Variants in ODAD4 observed in about 807,000 individuals in gnomAD.
ODAD4 encodes the protein outer dynein arm docking complex subunit 4.
Under a neutral mutation model 51.8 loss-of-function variants are expected in ODAD4, and 49 were observed. The ratio of observed to expected loss-of-function variants is 0.95; its 90% CI spans 0.75 to 1.20. The LOEUF (loss-of-function observed/expected upper bound fraction) is 1.20. Among genes scored for constraint, ODAD4 ranks in the 50% most tolerant of loss-of-function variants. The pLI, the probability that ODAD4 is intolerant of heterozygous loss-of-function variation, is 0.00. For missense variants in ODAD4, 590 were observed against 586.5 expected (o/e 1.01, Z -0.06); for synonymous variants, 235 against 221.3 (o/e 1.06, Z -0.55).
intron 11 of ODAD4, among the ~76,000 whole-genome samples, chr17:41,962,149 C>T (rs990884994): frequency 6.6e-6 from 1 of 152,120 alleles, no homozygotes; most frequent in Non-Finnish European, 1.5e-5. Context: ...GGTCTTTACC[C>T]CACTAGGAGG....
intron 5 of ODAD4, 49 bp from the exon 6 acceptor site, chr17:41,938,508 C>A: frequency 3.3e-6 from 5 of 1,518,424 alleles, no homozygotes; most frequent in Non-Finnish European, 4.5e-6. Context: ...GAGGCAAATC[C>A]CTTAGAGGCC....
chr17:41,947,258 G>A (rs1329709417), intron 8 of ODAD4, among the ~76,000 whole-genome samples: 2 of 150,182 alleles, frequency 1.3e-5, no homozygotes, highest in African/African-American at 4.9e-5. Flanking sequence ...CGGATCACAA[G>A]GTCAGGAGTT....
chr17:41,946,008 A>T (rs2050579928), intron 8 of ODAD4, among the ~76,000 whole-genome samples: 1 of 152,160 alleles, frequency 6.6e-6, no homozygotes, highest in African/African-American at 2.4e-5. Flanking sequence ...TGATCCTAGG[A>T]CTTTACAAAC....
chr17:41,944,469 C>T (rs1201889741), intron 7 of ODAD4, among the ~76,000 whole-genome samples: 1 of 147,258 alleles, frequency 6.8e-6, no homozygotes, highest in Non-Finnish European at 1.5e-5. Context: ...CAGAAATTGC[C>T]TTTCTTAGAG....
chr17:41,965,218 T>C lies in ODAD4; in HGVS notation c.1754T>C (p.Leu585Pro). 1 of 775,480 alleles carries C rather than the reference T, an allele frequency of 1.3e-6. No individual in the cohort carries two copies. The highest frequency in any genetic ancestry group is 2.4e-6 in the Non-Finnish European group (1 of 415,546). The allele number at this position is 775,480 out of a possible 1,614,324, so 48.0% of individuals were successfully genotyped here. The change falls in exon 12 of 12, where the codon CTG becomes CCG. Residue 585 changes from leucine (L) to proline (P), a missense_variant. This residue lies in a region of ODAD4 where 226 missense variants were observed against 162.7 expected (regional missense o/e 1.39). Coordinates refer to ENST00000377540, the MANE Select transcript of ODAD4 (RefSeq NM_031421.5). ...GATTTGGGAGCAGTTGCCAAGGGCC[T>C]GTCAGGAGAATTAGGCACAAGATCA... The part of the protein sequence containing the change: ...RSDLGAVAKG[L>P]SGELGTRSGE...
chr17:41,949,049 G>A, intron 8 of ODAD4, 104 bp from the exon 9 acceptor site: 1 of 397,472 alleles, frequency 2.5e-6, no homozygotes, highest in East Asian at 3.6e-5. Flanking sequence ...ACTGGTAGCT[G>A]GAGAACAAGT....
At chr17:41,940,383 C>T (rs1167099252) in intron 7 of ODAD4, among the ~76,000 whole-genome samples, 1 of 152,212 alleles carries the variant, frequency 6.6e-6, no homozygotes, top group Non-Finnish European at 1.5e-5. Flanking sequence ...CCTCTCTAAA[C>T]CCACCCTGGC....
chr17:41,943,754 A>G (rs2050539368), intron 7 of ODAD4, among the ~76,000 whole-genome samples: 1 of 152,320 alleles, frequency 6.6e-6, no homozygotes, highest in East Asian at 1.9e-4. Context: ...GGATTGCCTG[A>G]GACCAGGAGT....
At chr17:41,952,942 G>T (rs1181724659) in intron 9 of ODAD4, among the ~76,000 whole-genome samples, 4 of 151,382 alleles carry the variant, frequency 2.6e-5, no homozygotes, top group Admixed American at 1.3e-4. Context: ...TCCCTATGTT[G>T]TCCAGGTTGT....
At chr17:41,944,908 C>T (rs1361040522) in intron 7 of ODAD4, among the ~76,000 whole-genome samples, 4 of 152,096 alleles carry the variant, frequency 2.6e-5, no homozygotes, top group Admixed American at 2.6e-4. Context: ...TTCAAAGGGA[C>T]ATCTTTGCAA....
chr17:41,940,555 T>C (rs1555638567), intron 7 of ODAD4, among the ~76,000 whole-genome samples: 1 of 152,168 alleles, frequency 6.6e-6, no homozygotes, highest in African/African-American at 2.4e-5. Flanking sequence ...GGCCATCCCA[T>C]ATTAGAAAAA....
chr17:41,934,557 G>A (rs1464606028), intron 1 of ODAD4, among the ~76,000 whole-genome samples: 1 of 151,910 alleles, frequency 6.6e-6, no homozygotes, highest in Non-Finnish European at 1.5e-5. Flanking sequence ...TTGCCATGTT[G>A]CCCAGGCTGG....
chr17:41,965,101 A>G lies in ODAD4; in HGVS notation c.1637A>G (p.Lys546Arg), dbSNP rs1555642349. 1 of 771,544 alleles carries G rather than the reference A, an allele frequency of 1.3e-6. No homozygotes were observed. The highest frequency in any genetic ancestry group is 1.4e-5 in the South Asian group (1 of 72,576). 47.8% of individuals were successfully genotyped at this position (771,544 alleles called of 1,614,324 possible). A position where few individuals can be genotyped will look rare whatever the true frequency, so the allele number is the denominator to read the frequency against. Residue 546 changes from lysine to arginine, a missense_variant, in exon 12 of 12, where the codon AAA (lysine) becomes AGA (arginine). Coordinates refer to ENST00000377540, the MANE Select transcript of ODAD4 (RefSeq NM_031421.5). Reference protein sequence around the residue: ...VKQWDHSEDEKETDEDDEAFG... With the variant: ...VKQWDHSEDERETDEDDEAFG... ...CAGTGGGACCATAGTGAGGATGAGA[A>G]AGAGACAGATGAGGACGATGAGGCT...
rs1049155453 is a variant in ODAD4 at position 41,936,749 on chromosome 17, T to C, written c.460-13T>C. On this transcript the variant is annotated splice_polypyrimidine_tract_variant and intron_variant, in intron 4 of 11. Transcript: ENST00000377540. ...TTGCTGAAGCTCTGTTGGGTGTTGC[T>C]CCATTTTCTCAGAATATAAAAGCCC... 2 of 1,613,574 alleles carry C rather than the reference T, an allele frequency of 1.2e-6. No homozygotes were observed. The highest frequency in any genetic ancestry group is 8.5e-7 in the Non-Finnish European group (1 of 1,179,674).
rs1555637829 is a variant in ODAD4, at chr17:41,936,534, G to A, written c.459G>A (p.Glu153=). 4 of 1,612,382 alleles carry A rather than the reference G, an allele frequency of 2.5e-6. No individual in the cohort carries two copies. The highest frequency in any genetic ancestry group is 3.3e-5 in the Admixed American group (2 of 60,016). ...TCTCCTTCTTAAGCAAGCAGGCTGA[G>A]GTAAGGGCCCTGGTTCTGTGGTTGT... ...GDLSFLSKQA[E]NIKAQQKPQP... is the part of the protein sequence containing the mutation. The change falls in exon 4 of 12, where the codon GAG becomes GAA. Residue 153 remains glutamate (E), a splice_region_variant and synonymous_variant. Coordinates refer to ENST00000377540, the MANE Select transcript of ODAD4 (RefSeq NM_031421.5).
intron 11 of ODAD4, 48 bp downstream of exon 11, chr17:41,961,514 C>G (rs782156293): frequency 1.4e-6 from 1 of 717,168 alleles, no homozygotes; most frequent in Admixed American, 2.0e-5. Context: ...TCTCCCTCTG[C>G]TTTCTTTTCC....
At chr17:41,964,718 A>C (rs1316534131) in intron 11 of ODAD4, among the ~76,000 whole-genome samples, 1 of 151,948 alleles carries the variant, frequency 6.6e-6, no homozygotes, top group Non-Finnish European at 1.5e-5. Flanking sequence ...ATTTTGGCTC[A>C]TCACAGCCCC....
At position 41,965,010 on chromosome 17, in the gene ODAD4, G is replaced by C; in HGVS notation, c.1546G>C (p.Asp516His). Residue 516 changes from aspartate (D) to histidine (H), a missense_variant, in exon 12 of 12, where the codon GAT (aspartate) becomes CAT (histidine). Around this residue, in one of 3 missense-constraint regions of ODAD4, gnomAD observed 226 missense variants for 162.7 expected, o/e 1.39. Transcript: ENST00000377540. ...KSEGEASLYE[D>H]RIITREKDMR... The stretch of plus-strand genomic sequence containing the variant: ...TTTTTCAGAAGCTTCACTGTATGAA[G>C]ATAGAATAATAACAAGAGAGAAGGA... 1 of 713,320 alleles carries C rather than the reference G, an allele frequency of 1.4e-6. No homozygotes were observed. Among genetic ancestry groups the C allele is most frequent in the Non-Finnish European group, 2.6e-6 (1 of 384,274 alleles). The allele number at this position is 713,320 out of a possible 1,614,324, so 44.2% of individuals were successfully genotyped here.
intron 5 of ODAD4, among the ~76,000 whole-genome samples, chr17:41,938,143 G>T (rs561597170): frequency 3.9e-5 from 6 of 152,314 alleles, no homozygotes; most frequent in African/African-American, 1.2e-4. Flanking sequence ...TTGGGCACCC[G>T]CCTTCCAGCT....
Sources: allele counts gnomAD v4.1 joint callset (sites outside exome capture counted in the v4.1 genomes callset), GRCh38; gene constraint gnomAD v4.1.1; regional missense constraint gnomAD v4.1.1; transcripts MANE v1.5; gene names NCBI Gene and HGNC (gene_info 2026-07-23, HGNC 2026-07-21).